The following KCNN2 variants were observed in gnomAD, a reference collection of about 807,000 sequenced individuals.
The protein encoded by KCNN2 is potassium calcium-activated channel subfamily N member 2, also known as small conductance calcium-activated potassium channel protein 2.
A neutral mutation model predicts 55.5 loss-of-function variants in KCNN2; 24 were observed. The observed-to-expected ratio is 0.43, with a 90% CI of 0.31 to 0.61. KCNN2 has a LOEUF of 0.61. Ranked by LOEUF, KCNN2 falls within the 20% of genes least tolerant of loss-of-function variation. The pLI is 0.08. For synonymous variants in KCNN2, 431 were observed against 336.1 expected (o/e 1.28, Z -3.09); for missense variants, 754 against 853.6 (o/e 0.88, Z 1.45).
chr5:114,478,701 C>A (rs1271298554), intron 5 of KCNN2, among the ~76,000 whole-genome samples: 3 of 152,038 alleles, frequency 2.0e-5, no homozygotes, highest in Non-Finnish European at 4.4e-5. Flanking sequence ...ACAGTAGACC[C>A]CTCAGCAGAA....
intron 1 of KCNN2, among the ~76,000 whole-genome samples, chr5:114,071,446 C>G (rs1202801227): frequency 6.6e-6 from 1 of 152,204 alleles, no homozygotes; most frequent in Non-Finnish European, 1.5e-5. Flanking sequence ...AGGTCACATG[C>G]TTGTACCATA....
At chr5:114,161,714 T>C (rs1752788797) in intron 1 of KCNN2, among the ~76,000 whole-genome samples, 1 of 152,246 alleles carries the variant, frequency 6.6e-6, no homozygotes, top group Non-Finnish European at 1.5e-5. Context: ...CATATTCTTT[T>C]TTCTCTAAAC....
intron 2 of KCNN2, among the ~76,000 whole-genome samples, chr5:114,355,800 A>G (rs1757284981): frequency 6.6e-6 from 1 of 152,168 alleles, no homozygotes; most frequent in Admixed American, 6.5e-5. Context: ...ATTACCAAAA[A>G]TTAGGAATCT....
chr5:114,471,196 A>G (rs1224293649), intron 4 of KCNN2, among the ~76,000 whole-genome samples: 1 of 152,192 alleles, frequency 6.6e-6, no homozygotes, highest in Non-Finnish European at 1.5e-5. Context: ...ATGGGGGTTC[A>G]GTTCCAGAAC....
chr5:114,162,192 CT>C (rs1381199912), intron 1 of KCNN2, among the ~76,000 whole-genome samples: 3 of 152,058 alleles, frequency 2.0e-5, no homozygotes, highest in Non-Finnish European at 4.4e-5. Context: ...TGTGGATGTC[CT>C]TTCTGTTTGT....
chr5:114,058,024 G>C (rs1750247396), intron 1 of KCNN2, among the ~76,000 whole-genome samples: 1 of 152,158 alleles, frequency 6.6e-6, no homozygotes, highest in South Asian at 2.1e-4. Flanking sequence ...TTGAACATGT[G>C]TGAACCAACA....
chr5:114,493,840 A>AG, intron 7 of KCNN2, among the ~76,000 whole-genome samples: 1 of 152,298 alleles, frequency 6.6e-6, no homozygotes, highest in East Asian at 1.9e-4. Flanking sequence ...AGGAATGAAT[A>AG]GGACTCATCA....
chr5:114,103,217 C>T (rs1169104300), intron 1 of KCNN2, among the ~76,000 whole-genome samples: 1 of 152,112 alleles, frequency 6.6e-6, no homozygotes, highest in East Asian at 1.9e-4. Flanking sequence ...TGGGAGTACA[C>T]TCATGATTTG....
chr5:114,440,258 G>A (rs1760158719), intron 3 of KCNN2, among the ~76,000 whole-genome samples: 1 of 152,000 alleles, frequency 6.6e-6, no homozygotes, highest in African/African-American at 2.4e-5. Context: ...AACTAGAGCT[G>A]GAATATACTG....
intron 3 of KCNN2, among the ~76,000 whole-genome samples, chr5:114,437,030 T>C (rs1322211721): frequency 1.3e-5 from 2 of 151,920 alleles, no homozygotes; most frequent in Non-Finnish European, 2.9e-5. Context: ...ATCTATAAAA[T>C]GTGTGTGTGT....
At chr5:114,245,522 T>A (rs1368292025) in intron 2 of KCNN2, among the ~76,000 whole-genome samples, 1 of 152,164 alleles carries the variant, frequency 6.6e-6, no homozygotes, top group Non-Finnish European at 1.5e-5. Flanking sequence ...AAAAGTAAAG[T>A]TTCTTATTTC....
chr5:114,306,375 G>T lies in KCNN2; in HGVS notation c.-184-54570G>T, dbSNP rs537307208. Among the ~76,000 whole-genome samples, 106 of 152,182 alleles carry T rather than the reference G, an allele frequency of 7.0e-4. 2 individuals are homozygous for T. The South Asian group carries it at 0.022, about 31-fold the overall frequency. ...TATCTGGTTTTGCAGAGGCCAAACA[G>T]ATAAATTGAATTAAAGTCCCTGGTA... On this transcript the variant is annotated intron_variant, in intron 2 of 10. Coordinates refer to the KCNN2 transcript ENST00000512097.
chr5:114,278,706 G>C (rs1369633779), intron 2 of KCNN2, among the ~76,000 whole-genome samples: 4 of 152,226 alleles, frequency 2.6e-5, no homozygotes, highest in African/African-American at 9.6e-5. Flanking sequence ...TGGTCTGCCG[G>C]TTGCGAAGAC....
Position 114,288,486 on chromosome 5 carries a change from T to TTATA in KCNN2, c.-185+66932_-185+66935dup, listed in dbSNP as rs372065101. On this transcript the variant is annotated intron_variant, in intron 2 of 10. Transcript: ENST00000512097. ...ATGTCTTGACATCTTTGCCATTACT[T>TTATA]TATATATATATATACACACACACAC... 4.1e-3 allele frequency among the ~76,000 whole-genome samples: 575 copies of TTATA among 141,294 alleles called. 4 individuals are homozygous for TTATA. The highest frequency in any genetic ancestry group is 7.2e-3 in the Middle Eastern group (2 of 276). 92.7% of individuals were successfully genotyped at this position (141,294 alleles called of 152,430 possible). A position where few individuals can be genotyped will look rare whatever the true frequency, so the allele number is the denominator to read the frequency against.
intron 2 of KCNN2, among the ~76,000 whole-genome samples, chr5:114,316,599 G>T (rs2150027850): frequency 6.6e-6 from 1 of 152,238 alleles, no homozygotes; most frequent in Non-Finnish European, 1.5e-5. Context: ...TGTTATTCTG[G>T]ATTCAGAAAC....
chr5:114,178,916 C>G (rs1317831940), intron 1 of KCNN2, among the ~76,000 whole-genome samples: 3 of 152,148 alleles, frequency 2.0e-5, no homozygotes, highest in Non-Finnish European at 4.4e-5. Flanking sequence ...TCAGTCTTTT[C>G]TTAATCTGTT....
intron 2 of KCNN2, among the ~76,000 whole-genome samples, chr5:114,254,880 C>A (rs1754950932): frequency 6.6e-6 from 1 of 151,818 alleles, no homozygotes; most frequent in Non-Finnish European, 1.5e-5. Context: ...TCTAGAAAAC[C>A]TGTACATAAT....
chr5:114,348,608 G>A (rs978629600), intron 2 of KCNN2, among the ~76,000 whole-genome samples: 4 of 151,942 alleles, frequency 2.6e-5, no homozygotes, highest in Non-Finnish European at 4.4e-5. Context: ...AAAATAAAAT[G>A]CCACACCTTA....
chr5:114,251,651 A>G (rs1226478232), intron 2 of KCNN2, among the ~76,000 whole-genome samples: 2 of 152,196 alleles, frequency 1.3e-5, no homozygotes, highest in African/African-American at 4.8e-5. Context: ...ACTATGCACT[A>G]GATGTGGTCA....
Sources: gnomAD v4.1 joint callset for allele counts (sites outside exome capture counted in the v4.1 genomes callset) on GRCh38, gnomAD v4.1.1 for gene constraint, MANE v1.5 for transcripts, NCBI Gene and HGNC (gene_info 2026-07-23, HGNC 2026-07-21) for gene names.